The following LSAMP variants were observed in gnomAD, a reference collection of about 807,000 sequenced individuals.
LSAMP encodes the protein limbic system associated membrane protein.
Under a neutral mutation model 38.6 loss-of-function variants are expected in LSAMP, and 7 were observed. That is an observed-to-expected ratio of 0.18 (90% CI 0.10 to 0.34). LSAMP has a LOEUF of 0.34. LSAMP is among the 10% of genes least tolerant of loss of function. The pLI, the probability that LSAMP is intolerant of heterozygous loss-of-function variation, is 1.00. For synonymous variants in LSAMP, 154 were observed against 166.8 expected, an observed-to-expected ratio of 0.92 and a Z score of 0.59; for missense variants, 313 against 420.0, an observed-to-expected ratio of 0.75 and a Z score of 2.23.
intron 1 of LSAMP, among the ~76,000 whole-genome samples, chr3:116,204,730 C>T (rs1036518597): frequency 1.3e-5 from 2 of 151,568 alleles, no homozygotes; most frequent in African/African-American, 4.9e-5. Context: ...AGCGTTATTT[C>T]TGAGGGCTCT....
At chr3:116,269,897 A>G (rs2046947369) in intron 1 of LSAMP, among the ~76,000 whole-genome samples, 1 of 152,170 alleles carries the variant, frequency 6.6e-6, no homozygotes, top group African/African-American at 2.4e-5. Flanking sequence ...ATATTGTACA[A>G]TGAATTTGTA....
intron 3 of LSAMP, among the ~76,000 whole-genome samples, chr3:115,869,901 T>G (rs1361452922): frequency 1.3e-5 from 2 of 152,108 alleles, no homozygotes; most frequent in African/African-American, 4.8e-5. Context: ...TTGTTTATTT[T>G]TTCCCAAATT....
intron 1 of LSAMP, among the ~76,000 whole-genome samples, chr3:116,160,499 G>C (rs1419271629): frequency 6.6e-6 from 1 of 151,028 alleles, no homozygotes; most frequent in Non-Finnish European, 1.5e-5. Flanking sequence ...AAAGAGAAGA[G>C]AAAAGGAGAG....
chr3:115,966,939 G>C (rs1184188919), intron 3 of LSAMP, among the ~76,000 whole-genome samples: 1 of 152,140 alleles, frequency 6.6e-6, no homozygotes, highest in Non-Finnish European at 1.5e-5. Context: ...TGAAGGAAGG[G>C]GAAGGGGATG....
At chr3:116,244,078 C>T (rs2107641187) in intron 1 of LSAMP, among the ~76,000 whole-genome samples, 1 of 152,222 alleles carries the variant, frequency 6.6e-6, no homozygotes, top group Middle Eastern at 3.4e-3. Flanking sequence ...AAATAAAGAC[C>T]TCTAGGTAAC....
chr3:116,100,395 TC>T (rs1380195043), intron 1 of LSAMP, among the ~76,000 whole-genome samples: 7 of 152,142 alleles, frequency 4.6e-5, no homozygotes, highest in Non-Finnish European at 2.9e-5. Flanking sequence ...TATTCTTATT[TC>T]CTTCTTTTTC....
At chr3:115,947,780 G>C (rs1226397579) in intron 3 of LSAMP, among the ~76,000 whole-genome samples, 1 of 152,196 alleles carries the variant, frequency 6.6e-6, no homozygotes, top group East Asian at 1.9e-4. Context: ...GCTGATGAAA[G>C]AGTAAGAGAG....
chr3:116,185,809 C>G (rs1052579377), intron 1 of LSAMP, among the ~76,000 whole-genome samples: 6 of 151,436 alleles, frequency 4.0e-5, no homozygotes, highest in African/African-American at 1.5e-4. Flanking sequence ...ATTTATCTAG[C>G]TGTTTCCTGC....
chr3:116,257,261 CTG>C (rs2046764225), intron 1 of LSAMP, among the ~76,000 whole-genome samples: 1 of 152,186 alleles, frequency 6.6e-6, no homozygotes, highest in South Asian at 2.1e-4. Flanking sequence ...TATGCCCAAT[CTG>C]TGCATGTGTA....
chr3:115,861,424 C>G (rs1169539968), intron 3 of LSAMP, among the ~76,000 whole-genome samples: 1 of 152,028 alleles, frequency 6.6e-6, no homozygotes, highest in East Asian at 1.9e-4. Flanking sequence ...TTGTGATCAA[C>G]CTTGTTTAAC....
At chr3:116,232,381 T>G (rs1472963562) in intron 1 of LSAMP, among the ~76,000 whole-genome samples, 3 of 152,208 alleles carry the variant, frequency 2.0e-5, no homozygotes, top group African/African-American at 7.2e-5. Context: ...TTTCCTTAGA[T>G]TTAAAGATTT....
chr3:115,978,067 G>A (rs1019847789), intron 3 of LSAMP, among the ~76,000 whole-genome samples: 11 of 151,902 alleles, frequency 7.2e-5, no homozygotes, highest in African/African-American at 2.2e-4. Flanking sequence ...GGAGTACAGT[G>A]GTGCAGTCAT....
intron 1 of LSAMP, among the ~76,000 whole-genome samples, chr3:116,278,085 T>TATTA (rs2047078382): frequency 6.6e-6 from 1 of 152,198 alleles, no homozygotes; most frequent in South Asian, 2.1e-4. Context: ...GGGAAAGCAC[T>TATTA]ATTACTACAG....
In LSAMP at chr3:116,422,256, G is replaced by A. The variant is rs2049137999; in HGVS notation, c.155+22621C>T. Among the ~76,000 whole-genome samples the A allele has an allele frequency of 2.0e-5, 3 of 152,048 alleles. No homozygotes were observed. The South Asian group carries it at 6.2e-4, about 31-fold the overall frequency. ...ATACAGTTAGCCCTTCATAGCTGTG[G>A]GTTCCACACCCACGGATTCAACCAA... is the stretch of plus-strand genomic sequence containing the variant. On this transcript the variant is annotated intron_variant, in intron 1 of 6. Transcript: ENST00000490035.
At chr3:116,375,160 A>G (rs1406142668) in intron 1 of LSAMP, among the ~76,000 whole-genome samples, 4 of 151,940 alleles carry the variant, frequency 2.6e-5, no homozygotes, top group East Asian at 1.9e-4. Context: ...TATCATCACT[A>G]TTATAATCAT....
chr3:116,226,763 A>G (rs1159613116), intron 1 of LSAMP, among the ~76,000 whole-genome samples: 1 of 152,204 alleles, frequency 6.6e-6, no homozygotes, highest in Admixed American at 6.5e-5. Context: ...AGGCTTCATA[A>G]AGTGCATGGC....
intron 3 of LSAMP, among the ~76,000 whole-genome samples, chr3:115,930,001 A>ATTTTTT (rs1559885246): frequency 8.7e-4 from 22 of 25,304 alleles, no homozygotes; most frequent in South Asian, 2.1e-3. Context: ...ATTTAGCAGA[A>ATTTTTT]GTTTTTTTTT....
intron 3 of LSAMP, among the ~76,000 whole-genome samples, chr3:115,904,135 A>C (rs1455756079): frequency 6.6e-6 from 1 of 152,172 alleles, no homozygotes; most frequent in Non-Finnish European, 1.5e-5. Context: ...CAACAAATAA[A>C]GATAGGAATT....
At chr3:115,955,955 T>A (rs1020586624) in intron 3 of LSAMP, among the ~76,000 whole-genome samples, 4 of 152,118 alleles carry the variant, frequency 2.6e-5, no homozygotes, top group Admixed American at 6.6e-5. Flanking sequence ...GGCATTTTTT[T>A]AAAAGAGTTT....
Sources: allele counts gnomAD v4.1 joint callset (sites outside exome capture counted in the v4.1 genomes callset), GRCh38; gene constraint gnomAD v4.1.1; transcripts MANE v1.5; gene names NCBI Gene and HGNC (gene_info 2026-07-23, HGNC 2026-07-21).